Variants in TTBK2 observed in about 807,000 individuals in gnomAD.
The protein encoded by TTBK2 is tau-tubulin kinase 2.
Under a neutral mutation model 110.8 loss-of-function variants are expected in TTBK2, and 28 were observed. The ratio of observed to expected loss-of-function variants is 0.25; its 90% confidence interval spans 0.19 to 0.35. The LOEUF is 0.35. Ranked by LOEUF, TTBK2 falls within the 10% of genes least tolerant of loss-of-function variation. TTBK2 has a pLI of 1.00. For synonymous variants in TTBK2, 532 were observed against 527.3 expected (o/e 1.01, Z -0.12); for missense variants, 1,369 against 1,500.3 (o/e 0.91, Z 1.45).
chr15:42,755,840 A>G (rs2061938362), intron 13 of TTBK2, among the ~76,000 whole-genome samples: 1 of 152,234 alleles, frequency 6.6e-6, no homozygotes, highest in Non-Finnish European at 1.5e-5. Flanking sequence ...AGTGACCATG[A>G]TAAGAAAAGC....
At chr15:42,785,511 C>CTG (rs1890371921) in intron 10 of TTBK2, among the ~76,000 whole-genome samples, 2 of 152,266 alleles carry the variant, frequency 1.3e-5, no homozygotes, top group Non-Finnish European at 2.9e-5. Flanking sequence ...GGAAACTAGA[C>CTG]TTTCTGTAAT....
intron 13 of TTBK2, among the ~76,000 whole-genome samples, chr15:42,763,106 A>ATATATATATATATATACG (rs1567008457): frequency 9.7e-5 from 11 of 113,518 alleles, no homozygotes; most frequent in African/African-American, 4.3e-4. Context: ...ATATATACGT[A>ATATATATATATATATACG]TATATATATA....
Position 42,752,464 on chromosome 15 carries a change from G to A in TTBK2, c.2782C>T (p.Pro928Ser). ...GACCTAACCATATCCTTCCGGGTTG[G>A]GGCACCATGTTCATTCTCTGAAACA... ...HCVSENEHGA[P>S]TRKDMVRSSF... Residue 928 changes from proline to serine, a missense_variant, in exon 14 of 15, where the codon CCA becomes TCA. Transcript: ENST00000267890. 2 of 1,614,124 alleles carry A rather than the reference G, an allele frequency of 1.2e-6. No homozygotes were observed. Among genetic ancestry groups the A allele is most frequent in the South Asian group, 2.2e-5 (2 of 91,070 alleles).
At chr15:42,875,329 A>G (rs1293123688) in intron 2 of TTBK2, among the ~76,000 whole-genome samples, 1 of 152,210 alleles carries the variant, frequency 6.6e-6, no homozygotes, top group Non-Finnish European at 1.5e-5. Context: ...TACACAGATT[A>G]CAAGAAGAAT....
At chr15:42,821,913 ATCT>A (rs1327295311) in intron 6 of TTBK2, among the ~76,000 whole-genome samples, 3 of 151,852 alleles carry the variant, frequency 2.0e-5, no homozygotes, top group Admixed American at 6.6e-5. Flanking sequence ...GATGGTCTCA[ATCT>A]TCTGATCTCG....
In TTBK2 at chr15:42,774,160, G is replaced by A. The variant is rs143399835; in HGVS notation, c.1998+975C>T. 3.4e-3 allele frequency among the ~76,000 whole-genome samples: 523 copies of A among 152,298 alleles called. 1 individual carries two copies. Among genetic ancestry groups the A allele is most frequent in the African/African-American group, 0.012 (498 of 41,558 alleles). On this transcript the variant is annotated intron_variant, in intron 13 of 14. Transcript: ENST00000267890. ...TATCTTTTCCCACTGTTTTGCACTT[G>A]ATGTGGAATTGTGTTCTAATAGAAA...
chr15:42,813,570 C>G lies in TTBK2; in HGVS notation c.604-1790G>C, dbSNP rs141236913. ...TTAAAAAGGACAAATTAAGGCCGAG[C>G]GCAGTGGCTCACACCTGTAATCCTA... On this transcript the variant is annotated intron_variant, in intron 7 of 14. Coordinates refer to ENST00000267890, the MANE Select transcript of TTBK2 (RefSeq NM_173500.4). Among the ~76,000 whole-genome samples, 479 of 152,008 alleles carry G rather than the reference C, an allele frequency of 3.2e-3. 2 individuals are homozygous for G. The highest frequency in any genetic ancestry group is 0.011 in the African/African-American group (455 of 41,448).
Position 42,889,172 on chromosome 15 carries a change from T to A in TTBK2, c.-67-10488A>T, listed in dbSNP as rs569493214. 1.3e-3 allele frequency among the ~76,000 whole-genome samples: 198 copies of A among 152,240 alleles called. 1 individual carries two copies. The highest frequency in any genetic ancestry group is 6.8e-3 in the Middle Eastern group (2 of 294). ...CTGCTATTCTACTACTCCTCAGGAA[T>A]TATTCAGGCCCCCTCCCTTCCCTAC... On this transcript the variant is annotated intron_variant, in intron 1 of 14. Coordinates refer to ENST00000267890, the MANE Select transcript of TTBK2 (RefSeq NM_173500.4).
chr15:42,830,237 G>C (rs1404793312), intron 4 of TTBK2, among the ~76,000 whole-genome samples, 159 bp from the exon 5 acceptor site: 1 of 151,816 alleles, frequency 6.6e-6, no homozygotes, highest in Non-Finnish European at 1.5e-5. Flanking sequence ...GCCCAGGCTG[G>C]AGTGCAATGG....
chr15:42,832,956 A>G (rs72713786), intron 4 of TTBK2, among the ~76,000 whole-genome samples: 4,583 of 152,296 alleles, frequency 0.03, 91 homozygotes, highest in Non-Finnish European at 0.044. Flanking sequence ...TAGTACAGTC[A>G]TCTTACTGAC....
At chr15:42,794,863 A>G in intron 9 of TTBK2, 62 bp from the exon 10 acceptor site, 1 of 1,596,184 alleles carries the variant, frequency 6.3e-7, no homozygotes, top group Non-Finnish European at 8.6e-7. Context: ...TTATTCTATA[A>G]GAGAAAGCAC....
rs189700804 is a variant in TTBK2, at chr15:42,859,854, G to C, written c.217+12757C>G. Reference sequence around the variant, plus strand: ...ATAAGGTAGACAGCATGCAAGAAGAGGTGGGTAATGTAAGCAGAGATGAAA... The same window carrying C: ...ATAAGGTAGACAGCATGCAAGAAGACGTGGGTAATGTAAGCAGAGATGAAA... On this transcript the variant is annotated intron_variant, in intron 3 of 14. Transcript: ENST00000267890. Among the ~76,000 whole-genome samples, 31 of 152,230 alleles carry C rather than the reference G, an allele frequency of 2.0e-4. No individual in the cohort carries two copies. In the East Asian group the frequency reaches 4.6e-3, roughly 23 times the overall value.
At chr15:42,805,636 C>T (rs944550932) in intron 9 of TTBK2, among the ~76,000 whole-genome samples, 15 of 152,176 alleles carry the variant, frequency 9.9e-5, no homozygotes, top group African/African-American at 3.1e-4. Flanking sequence ...TATTACTTCT[C>T]TCAAGTCAAG....
chr15:42,897,554 A>G (rs1238901426), intron 1 of TTBK2, among the ~76,000 whole-genome samples: 1 of 152,140 alleles, frequency 6.6e-6, no homozygotes, highest in Non-Finnish European at 1.5e-5. Context: ...CATTAAGTTG[A>G]GAAGGATCCT....
intron 10 of TTBK2, among the ~76,000 whole-genome samples, chr15:42,789,027 A>T (rs1021048311): frequency 1.3e-5 from 2 of 152,228 alleles, no homozygotes; most frequent in African/African-American, 4.8e-5. Flanking sequence ...GACAAAGAGC[A>T]GCTAAAATCT....
rs2061758004 is a variant in TTBK2, at chr15:42,742,609, A to G, written c.*3186T>C. 6.6e-6 allele frequency: 1 copy of G among 152,216 alleles called. No individual in the cohort carries two copies. Among genetic ancestry groups the G allele is most frequent in the Non-Finnish European group, 1.5e-5 (1 of 68,032 alleles). 9.4% of individuals were successfully genotyped at this position (152,216 alleles called of 1,614,324 possible). A position where few individuals can be genotyped will look rare whatever the true frequency, so the allele number is the denominator to read the frequency against. On this transcript the variant is annotated 3_prime_UTR_variant, in exon 15 of 15. Coordinates refer to ENST00000267890, the MANE Select transcript of TTBK2 (RefSeq NM_173500.4). ...CTAATTCTACCTTCTGTTCCACTCA[A>G]GTACCTCCAGGGACTAACAAGGGAA...
intron 1 of TTBK2, among the ~76,000 whole-genome samples, chr15:42,906,677 T>C (rs1185270648): frequency 6.6e-6 from 1 of 152,062 alleles, no homozygotes. Context: ...AAATAGATAA[T>C]TGGGATTATA....
At chr15:42,811,202 C>T (rs1279797814) in intron 8 of TTBK2, among the ~76,000 whole-genome samples, 1 of 152,104 alleles carries the variant, frequency 6.6e-6, no homozygotes, top group Non-Finnish European at 1.5e-5. Context: ...CTATGTTATC[C>T]AGCCTGGTCT....
In TTBK2 at chr15:42,807,216, T is replaced by C. The variant is rs534434788; in HGVS notation, c.822+3398A>G. On this transcript the variant is annotated intron_variant, in intron 9 of 14. Transcript: ENST00000267890. ...CTTGCTTAGCTTTGCATTTCCTCTCTATCCTATCCTCTGATATTAGCAACG... is the reference window on the plus strand; with the variant it reads ...CTTGCTTAGCTTTGCATTTCCTCTCCATCCTATCCTCTGATATTAGCAACG... Among the ~76,000 whole-genome samples, 5 of 152,334 alleles carry C rather than the reference T, an allele frequency of 3.3e-5. 2 individuals carry two copies. Among genetic ancestry groups the C allele is most frequent in the African/African-American group, 1.2e-4 (5 of 41,578 alleles).
Sources: gnomAD v4.1 joint callset for allele counts (sites outside exome capture counted in the v4.1 genomes callset) on GRCh38, gnomAD v4.1.1 for gene constraint, MANE v1.5 for transcripts, NCBI Gene and HGNC (gene_info 2026-07-23, HGNC 2026-07-21) for gene names.